The following IGFBP2 variants were observed in gnomAD, a reference collection of about 807,000 sequenced individuals.
IGFBP2 encodes the protein insulin like growth factor binding protein 2.
A neutral mutation model predicts 26.2 loss-of-function variants in IGFBP2; 12 were observed. That is an observed-to-expected ratio of 0.46 (90% CI 0.29 to 0.74). The LOEUF (loss-of-function observed/expected upper bound fraction) is 0.74, where lower values mean the gene tolerates loss of function less well. Among genes scored for constraint, IGFBP2 ranks in the 30% least tolerant of loss-of-function variants. The pLI is 0.09. For synonymous variants in IGFBP2, 189 were observed against 200.6 expected (o/e 0.94, Z 0.49); for missense variants, 328 against 441.2 (o/e 0.74, Z 2.30).
Position 216,633,440 on chromosome 2 carries a change from G to T in IGFBP2, c.-84G>T. On this transcript the variant is annotated 5_prime_UTR_variant, in exon 1 of 4. Coordinates refer to ENST00000233809, the MANE Select transcript of IGFBP2 (RefSeq NM_000597.3). ...GGGAGGAGGAAGAAGCGGAGGAGGC[G>T]GCTCCCGCGCTCGCAGGGCCGTGCC... 1 of 226,720 alleles carries T rather than the reference G, an allele frequency of 4.4e-6. No individual in the cohort carries two copies. Among genetic ancestry groups the T allele is most frequent in the Non-Finnish European group, 7.4e-6 (1 of 134,512 alleles). The allele number at this position is 226,720 out of a possible 1,614,324, so 14.0% of individuals were successfully genotyped here.
intron 1 of IGFBP2, among the ~76,000 whole-genome samples, chr2:216,658,368 A>T (rs1445518966): frequency 6.6e-6 from 1 of 151,918 alleles, no homozygotes; most frequent in Non-Finnish European, 1.5e-5. Context: ...GGTAACAGCT[A>T]TTAGGATGTT....
rs750208021 is a variant in IGFBP2 at position 216,661,981 on chromosome 2, C to T, written c.796C>T (p.Leu266=). 1.9e-6 allele frequency: 3 copies of T among 1,614,090 alleles called. No individual in the cohort carries two copies. The highest frequency in any genetic ancestry group is 2.2e-5 in the South Asian group (2 of 91,096). Residue 266 remains leucine, a synonymous_variant, in exon 3 of 4, where the codon CTG becomes TTG. Transcript: ENST00000233809. ...CATCCCCAACTGTGACAAGCATGGCCTGTACAACCTCAAACAGGTGAGCAT... is the reference window on the plus strand; with the variant it reads ...CATCCCCAACTGTGACAAGCATGGCTTGTACAACCTCAAACAGGTGAGCAT... ...LHIPNCDKHG[L]YNLKQCKMSL... is the part of the protein sequence containing the mutation.
At chr2:216,633,277 T>C (rs1476902501), upstream of IGFBP2, 2 of 130,886 alleles carry the variant, frequency 1.5e-5, no homozygotes, top group East Asian at 4.8e-4. Context: ...AACGCGGAGG[T>C]GGGCGAGCGG....
rs1697717832 is a variant in IGFBP2, at chr2:216,646,794, T to C, written c.442+12829T>C. Reference sequence around the variant, plus strand: ...GGAAAGACCTACCCCGATGATTCAATTACCTCCCACTGGGTCCCTCCTACA... The same window carrying C: ...GGAAAGACCTACCCCGATGATTCAACTACCTCCCACTGGGTCCCTCCTACA... On this transcript the variant is annotated intron_variant, in intron 1 of 3. Transcript: ENST00000233809. 1.3e-5 allele frequency among the ~76,000 whole-genome samples: 2 copies of C among 152,176 alleles called. 1 individual carries two copies. Among genetic ancestry groups the C allele is most frequent in the South Asian group, 4.1e-4 (2 of 4,828 alleles).
chr2:216,661,588 A>C (rs1461108201), intron 2 of IGFBP2: 1 of 541,856 alleles, frequency 1.8e-6, no homozygotes, highest in Admixed American at 2.9e-5. Flanking sequence ...GGCAGAGCCC[A>C]TTCTGACACA....
At chr2:216,650,809 G>A (rs935129321) in intron 1 of IGFBP2, among the ~76,000 whole-genome samples, 15 of 152,180 alleles carry the variant, frequency 9.9e-5, no homozygotes, top group Admixed American at 2.0e-4. Flanking sequence ...ACCACCTGTT[G>A]GAAAACCATG....
intron 2 of IGFBP2, 86 bp from the exon 3 acceptor site, chr2:216,661,772 C>T (rs777508913): frequency 4.0e-6 from 6 of 1,494,724 alleles, no homozygotes; most frequent in Middle Eastern, 1.8e-4. Flanking sequence ...CCCTGTGCAG[C>T]AGCTTCTCGC....
chr2:216,653,805 C>A (rs933286733), intron 1 of IGFBP2, among the ~76,000 whole-genome samples: 1 of 152,122 alleles, frequency 6.6e-6, no homozygotes, highest in Non-Finnish European at 1.5e-5. Context: ...GCTTGACCTT[C>A]TATATGTGAA....
At chr2:216,638,855 A>G (rs1042775066) in intron 1 of IGFBP2, among the ~76,000 whole-genome samples, 11 of 149,938 alleles carry the variant, frequency 7.3e-5, no homozygotes, top group Non-Finnish European at 1.5e-4. Context: ...ACCTGCCACC[A>G]CGCCCGGCTA....
chr2:216,647,814 C>T (rs529232399), intron 1 of IGFBP2, among the ~76,000 whole-genome samples: 2 of 152,240 alleles, frequency 1.3e-5, no homozygotes, highest in Admixed American at 6.5e-5. Context: ...GCCACTGCGC[C>T]CGGCCCTTAT....
At chr2:216,647,181 T>C (rs1410159190) in intron 1 of IGFBP2, among the ~76,000 whole-genome samples, 1 of 152,096 alleles carries the variant, frequency 6.6e-6, no homozygotes, top group Non-Finnish European at 1.5e-5. Context: ...AATAAAGTTA[T>C]GAAAGTAAGA....
At position 216,633,469 on chromosome 2, in the gene IGFBP2, TGCCC is replaced by T. The variant is rs1184318781; in HGVS notation, c.-44_-41del. 1.7e-5 allele frequency: 7 copies of T among 408,046 alleles called. No homozygotes were observed. The highest frequency in any genetic ancestry group is 4.3e-5 in the African/African-American group (2 of 46,016). 25.3% of individuals were successfully genotyped at this position (408,046 alleles called of 1,614,324 possible). A position where few individuals can be genotyped will look rare whatever the true frequency, so the allele number is the denominator to read the frequency against. On this transcript the variant is annotated 5_prime_UTR_variant, in exon 1 of 4. Transcript: ENST00000233809. Reference sequence around the variant, plus strand: ...CCCGCGCTCGCAGGGCCGTGCCACCTGCCCGCCCGCCCGCTCGCTCGCTCGCCCG... The same window carrying T: ...CCCGCGCTCGCAGGGCCGTGCCACCTGCCCGCCCGCTCGCTCGCTCGCCCG...
rs1167079104 is a variant in IGFBP2, at chr2:216,664,150, C to T, written c.*46C>T. On this transcript the variant is annotated 3_prime_UTR_variant, in exon 4 of 4. Coordinates refer to ENST00000233809, the MANE Select transcript of IGFBP2 (RefSeq NM_000597.3). This position sits in a 1 kb window ranked among gnomAD's most constrained non-coding sequence, Gnocchi z 4.6. ...GGCGCCCCTGCCCCCCGCCCCTCTC[C>T]AAACACCGGCAGAAAACGGAGAGTG... 6.9e-7 allele frequency: 1 copy of T among 1,455,308 alleles called. No homozygotes were observed. Among genetic ancestry groups the T allele is most frequent in the South Asian group, 1.4e-5 (1 of 72,982 alleles). 90.1% of individuals were successfully genotyped at this position (1,455,308 alleles called of 1,614,324 possible).
intron 1 of IGFBP2, among the ~76,000 whole-genome samples, chr2:216,646,008 A>C (rs895839491): frequency 6.6e-6 from 1 of 152,232 alleles, no homozygotes; most frequent in Non-Finnish European, 1.5e-5. Flanking sequence ...GTGATATACT[A>C]TCAGACAAAA....
chr2:216,658,410 C>T (rs528831451), intron 1 of IGFBP2, among the ~76,000 whole-genome samples: 13 of 152,212 alleles, frequency 8.5e-5, no homozygotes, highest in African/African-American at 1.4e-4. Flanking sequence ...TCCCTGTTCT[C>T]GGTTGGGTTC....
intron 1 of IGFBP2, among the ~76,000 whole-genome samples, chr2:216,651,621 A>G (rs892090446): frequency 6.6e-6 from 1 of 152,258 alleles, no homozygotes; most frequent in Non-Finnish European, 1.5e-5. Flanking sequence ...GAAATATGCA[A>G]TAGATCATAT....
chr2:216,648,400 AC>A (rs1697756671), intron 1 of IGFBP2, among the ~76,000 whole-genome samples: 1 of 152,266 alleles, frequency 6.6e-6, no homozygotes, highest in Admixed American at 6.5e-5. Context: ...GGCATAGAGA[AC>A]AGGCCAGGAG....
intron 1 of IGFBP2, among the ~76,000 whole-genome samples, chr2:216,646,964 A>C (rs1469294252): frequency 6.6e-6 from 1 of 152,224 alleles, no homozygotes; most frequent in African/African-American, 2.4e-5. Flanking sequence ...ATGAAAAAGC[A>C]GTTGTCATAC....
chr2:216,663,574 C>T lies in IGFBP2; in HGVS notation c.814-366C>T, dbSNP rs142546199. 2.1e-3 allele frequency: 424 copies of T among 202,224 alleles called. 1 individual carries two copies. Among genetic ancestry groups the T allele is most frequent in the African/African-American group, 9.4e-3 (416 of 44,108 alleles). The allele number at this position is 202,224 out of a possible 1,614,324, so 12.5% of individuals were successfully genotyped here. ...TTGCAACATGAGGTTTTACACCTGA[C>T]GCTATGACTAAGCTTCAGTATGCTG... On this transcript the variant is annotated intron_variant, in intron 3 of 3. Transcript: ENST00000233809.
Sources: allele counts gnomAD v4.1 joint callset (sites outside exome capture counted in the v4.1 genomes callset), GRCh38; gene constraint gnomAD v4.1.1; non-coding constraint Gnocchi (gnomAD v3.1); transcripts MANE v1.5; gene names NCBI Gene and HGNC (gene_info 2026-07-23, HGNC 2026-07-21).